The following HMCN1 variants were observed in gnomAD, a reference collection of about 807,000 sequenced individuals.
HMCN1 encodes hemicentin-1.
In HMCN1, 321 loss-of-function variants were observed where a neutral mutation model predicts 625.9. The observed-to-expected ratio is 0.51, with a 90% CI of 0.47 to 0.56. The LOEUF (loss-of-function observed/expected upper bound fraction) is 0.56, where lower values mean the gene tolerates loss of function less well. HMCN1 is among the 20% of genes least tolerant of loss of function. HMCN1 has a pLI of 0.00. For missense variants in HMCN1, 6,588 were observed against 6,887.3 expected (o/e 0.96, Z 1.54); for synonymous variants, 2,425 against 2,417.6 (o/e 1.00, Z -0.09).
rs1652081187 is a variant in HMCN1, at chr1:185,987,508, A to G, written c.3012A>G (p.Ala1004=). ...EGIPVTLPCK[A]SGNPKPSVIW... ...TTCCAGTAACTTTACCATGCAAAGC[A>G]AGTGGAAATCCCAAACCGTCTGTCA... The change falls in exon 20 of 107, where the codon GCA becomes GCG. Residue 1004 remains alanine (A), a synonymous_variant. Coordinates refer to ENST00000271588, the MANE Select transcript of HMCN1 (RefSeq NM_031935.3). 6.2e-7 allele frequency: 1 copy of G among 1,613,694 alleles called. No homozygotes were observed. Among genetic ancestry groups the G allele is most frequent in the Non-Finnish European group, 8.5e-7 (1 of 1,179,552 alleles).
intron 4 of HMCN1, among the ~76,000 whole-genome samples, chr1:185,872,325 C>T (rs532773854): frequency 6.6e-6 from 1 of 152,170 alleles, no homozygotes; most frequent in Admixed American, 6.5e-5. Flanking sequence ...ATGTTCCAGT[C>T]ACATAGTTAC....
At chr1:185,846,187 G>C in intron 2 of HMCN1, 91 bp downstream of exon 2, 2 of 1,029,550 alleles carry the variant, frequency 1.9e-6, no homozygotes, top group Non-Finnish European at 3.0e-6. Context: ...AAAAGACATA[G>C]TTGTTGGCTT....
intron 97 of HMCN1, among the ~76,000 whole-genome samples, chr1:186,155,835 G>A (rs1335212804): frequency 6.6e-6 from 1 of 152,148 alleles, no homozygotes; most frequent in Non-Finnish European, 1.5e-5. Flanking sequence ...TGCATTCCTG[G>A]TAGCTTAACT....
At chr1:185,991,604 T>G (rs559316066) in intron 22 of HMCN1, among the ~76,000 whole-genome samples, 1 of 152,316 alleles carries the variant, frequency 6.6e-6, no homozygotes, top group South Asian at 2.1e-4. Flanking sequence ...TTATCTACTA[T>G]TATACAAAGG....
At chr1:186,164,738 A>C (rs773241740) in intron 97 of HMCN1, among the ~76,000 whole-genome samples, 1 of 152,188 alleles carries the variant, frequency 6.6e-6, no homozygotes, top group East Asian at 1.9e-4. Context: ...TTGCTTGAAA[A>C]CAGCATTTCT....
At chr1:185,956,183 A>T in intron 11 of HMCN1, among the ~76,000 whole-genome samples, 1 of 151,838 alleles carries the variant, frequency 6.6e-6, no homozygotes, top group East Asian at 2.0e-4. Context: ...CACTTCTGAC[A>T]TCAGATATGT....
At chr1:185,980,954 G>A (rs1341544825) in intron 16 of HMCN1, 24 bp from the exon 17 acceptor site, 1 of 1,313,118 alleles carries the variant, frequency 7.6e-7, no homozygotes, top group Non-Finnish European at 1.1e-6. Context: ...GGTATTGGAT[G>A]AGTAAATGAG....
chr1:186,025,677 T>G (rs565742364), intron 36 of HMCN1, among the ~76,000 whole-genome samples: 4 of 152,296 alleles, frequency 2.6e-5, no homozygotes, highest in Admixed American at 2.6e-4. Context: ...TTGAATATTA[T>G]AGCAAAATGT....
chr1:185,882,833 A>G (rs1664393724), intron 4 of HMCN1, among the ~76,000 whole-genome samples: 2 of 152,130 alleles, frequency 1.3e-5, no homozygotes, highest in South Asian at 4.1e-4. Flanking sequence ...TCAAGGCCTA[A>G]AAATGTATAC....
At chr1:186,022,028 A>G (rs959590956) in intron 35 of HMCN1, among the ~76,000 whole-genome samples, 3 of 152,040 alleles carry the variant, frequency 2.0e-5, no homozygotes, top group African/African-American at 7.2e-5. Context: ...ATTAAACAAG[A>G]CTGGGAACAT....
intron 4 of HMCN1, among the ~76,000 whole-genome samples, chr1:185,892,845 C>G (rs1011423916): frequency 6.6e-6 from 1 of 152,202 alleles, no homozygotes; most frequent in African/African-American, 2.4e-5. Flanking sequence ...CCACCCAGTT[C>G]GAGCTTCCAG....
intron 11 of HMCN1, among the ~76,000 whole-genome samples, chr1:185,959,357 T>A (rs1020433600): frequency 3.3e-5 from 5 of 152,146 alleles, no homozygotes; most frequent in African/African-American, 1.2e-4. Context: ...TTGTAGGCAG[T>A]GAGATGGCTG....
chr1:186,016,307 T>C (rs1654364774), intron 32 of HMCN1, 68 bp downstream of exon 32: 1 of 1,436,200 alleles, frequency 7.0e-7, no homozygotes, highest in Non-Finnish European at 9.7e-7. Flanking sequence ...GTTAAATACT[T>C]TTTTGTTCAT....
At chr1:185,872,865 C>T (rs1009339161) in intron 4 of HMCN1, among the ~76,000 whole-genome samples, 16 of 152,180 alleles carry the variant, frequency 1.1e-4, no homozygotes, top group Middle Eastern at 3.4e-3. Context: ...GTAAGTTTCA[C>T]TATGAAAGTA....
At chr1:186,043,097 C>G (rs1656316289) in intron 40 of HMCN1, among the ~76,000 whole-genome samples, 1 of 152,070 alleles carries the variant, frequency 6.6e-6, no homozygotes, top group African/African-American at 2.4e-5. Context: ...GACAACTTTC[C>G]TGGAGATCAC....
At chr1:186,134,331 G>C (rs546742294) in intron 86 of HMCN1, among the ~76,000 whole-genome samples, 1 of 152,196 alleles carries the variant, frequency 6.6e-6, no homozygotes, top group East Asian at 1.9e-4. Flanking sequence ...TGATAATTTA[G>C]CCATTTTAAT....
At chr1:186,140,116 G>C (rs1649860910) in intron 89 of HMCN1, among the ~76,000 whole-genome samples, 1 of 152,048 alleles carries the variant, frequency 6.6e-6, no homozygotes, top group African/African-American at 2.4e-5. Context: ...TCAAAATTGG[G>C]AAATTTTAAC....
intron 23 of HMCN1, 92 bp downstream of exon 23, chr1:185,993,401 T>G (rs1012123349): frequency 1.4e-6 from 2 of 1,455,028 alleles, no homozygotes; most frequent in African/African-American, 2.8e-5. Flanking sequence ...ATTTCCAAAT[T>G]GTATATAGAG....
At chr1:185,890,506 T>G (rs945906715) in intron 4 of HMCN1, among the ~76,000 whole-genome samples, 1 of 146,084 alleles carries the variant, frequency 6.8e-6, no homozygotes, top group Non-Finnish European at 1.5e-5. Flanking sequence ...TTCTGGTATG[T>G]TGTGTCTTTG....
Sources: gnomAD v4.1 joint callset for allele counts (sites outside exome capture counted in the v4.1 genomes callset) on GRCh38, gnomAD v4.1.1 for gene constraint, MANE v1.5 for transcripts, NCBI Gene and HGNC (gene_info 2026-07-23, HGNC 2026-07-21) for gene names.